Variants in ZC3H15 observed in about 807,000 individuals in gnomAD.
The protein encoded by ZC3H15 is zinc finger CCCH-type containing 15.
ZC3H15 carries 15 observed loss-of-function variants against 51.2 expected under a neutral mutation model. The ratio of observed to expected loss-of-function variants is 0.29; its 90% CI spans 0.20 to 0.45. ZC3H15 has a LOEUF of 0.45. ZC3H15 is among the 20% of genes least tolerant of loss of function. The pLI is 1.00. For missense variants in ZC3H15, 381 were observed against 494.7 expected (o/e 0.77, Z 2.18); for synonymous variants, 144 against 162.8 (o/e 0.88, Z 0.88).
In ZC3H15 at chr2:186,506,844, T is replaced by A. The variant is rs1269199147; in HGVS notation, c.1090+8T>A. On this transcript the variant is annotated splice_region_variant and intron_variant, in intron 9 of 9. Coordinates refer to ENST00000337859, the MANE Select transcript of ZC3H15 (RefSeq NM_018471.3). ...ATACTTCAGATAAAGATGGTAAGTA[T>A]GCTAACTTTTGCCTAATTTTAAGAA... 6.2e-7 allele frequency: 1 copy of A among 1,605,618 alleles called. No individual in the cohort carries two copies. Among genetic ancestry groups the A allele is most frequent in the South Asian group, 1.1e-5 (1 of 90,236 alleles).
In ZC3H15 at chr2:186,506,855, G is replaced by T; in HGVS notation, c.1090+19G>T. 6.2e-7 allele frequency: 1 copy of T among 1,603,492 alleles called. No individual in the cohort carries two copies. Among genetic ancestry groups the T allele is most frequent in the East Asian group, 2.2e-5 (1 of 44,750 alleles). ...AAAGATGGTAAGTATGCTAACTTTT[G>T]CCTAATTTTAAGAACTAGGAAGTTA... On this transcript the variant is annotated intron_variant, in intron 9 of 9. Transcript: ENST00000337859.
chr2:186,488,394 CT>C (rs1373548327), intron 1 of ZC3H15, among the ~76,000 whole-genome samples: 1 of 152,188 alleles, frequency 6.6e-6, no homozygotes, highest in Non-Finnish European at 1.5e-5. Flanking sequence ...GTTTTTACCA[CT>C]CTAGGAACTC....
Position 186,501,285 on chromosome 2 carries a change from A to G in ZC3H15, c.302A>G (p.Lys101Arg). Residue 101 changes from lysine to arginine, a missense_variant, in exon 4 of 10, where the codon AAG becomes AGG. By Grantham distance (26) the Lys-to-Arg change is conservative. Around this residue, in one of 3 missense-constraint regions of ZC3H15, gnomAD observed 125 missense variants for 166.3 expected, o/e 0.75. Coordinates refer to ENST00000337859, the MANE Select transcript of ZC3H15 (RefSeq NM_018471.3). Reference sequence around the variant, plus strand: ...CCATTTGACATAGGTGCAGATCCCAAGTCTGTAGTATGTGCATTCTTCAAG... The same window carrying G: ...CCATTTGACATAGGTGCAGATCCCAGGTCTGTAGTATGTGCATTCTTCAAG... ...AQKISKGADP[K>R]SVVCAFFKQG... is the part of the protein sequence containing the mutation. 1 of 1,608,690 alleles carries G rather than the reference A, an allele frequency of 6.2e-7. No individual in the cohort carries two copies. Among genetic ancestry groups the G allele is most frequent in the Non-Finnish European group, 8.5e-7 (1 of 1,177,514 alleles).
intron 6 of ZC3H15, 133 bp downstream of exon 6, chr2:186,504,347 C>A: frequency 1.4e-6 from 1 of 729,010 alleles, no homozygotes; most frequent in Non-Finnish European, 2.0e-6. Flanking sequence ...CAAAGTTGCC[C>A]TACTTTAATT....
At chr2:186,506,896 A>G in intron 9 of ZC3H15, 60 bp downstream of exon 9, 1 of 1,550,368 alleles carries the variant, frequency 6.5e-7, no homozygotes, top group Non-Finnish European at 8.7e-7. Flanking sequence ...AGGGGGTTAT[A>G]CCAGGCTTGG....
chr2:186,504,387 C>T (rs1252878267), intron 6 of ZC3H15, among the ~76,000 whole-genome samples, 173 bp downstream of exon 6: 1 of 152,124 alleles, frequency 6.6e-6, no homozygotes, highest in Non-Finnish European at 1.5e-5. Context: ...GTTAACCTAG[C>T]CATAAACATT....
chr2:186,506,601 TC>T (rs1395953586), intron 8 of ZC3H15, 111 bp from the exon 9 acceptor site: 31 of 1,232,736 alleles, frequency 2.5e-5, no homozygotes. Context: ...CAGTAATTGG[TC>T]TTTTGTTTTC....
intron 2 of ZC3H15, among the ~76,000 whole-genome samples, chr2:186,497,638 A>T (rs569116398): frequency 1.7e-4 from 26 of 152,260 alleles, no homozygotes; most frequent in Middle Eastern, 3.4e-3. Flanking sequence ...GTGAATATAG[A>T]TATCAATATG....
intron 1 of ZC3H15, among the ~76,000 whole-genome samples, chr2:186,493,735 C>T (rs943851788): frequency 1.3e-5 from 2 of 151,786 alleles, no homozygotes; most frequent in African/African-American, 4.8e-5. Flanking sequence ...TTGCCTTGTC[C>T]TAGTTTCTGG....
At chr2:186,503,832 T>A (rs1420869364) in intron 5 of ZC3H15, among the ~76,000 whole-genome samples, 200 bp from the exon 6 acceptor site, 1 of 152,238 alleles carries the variant, frequency 6.6e-6, no homozygotes, top group African/African-American at 2.4e-5. Context: ...TTGCCATTGT[T>A]CTACATATTT....
chr2:186,500,326 A>G, intron 3 of ZC3H15, 33 bp downstream of exon 3: 1 of 1,522,868 alleles, frequency 6.6e-7, no homozygotes, highest in Non-Finnish European at 9.0e-7. Context: ...GTGATTTTTT[A>G]TCAAATGTAG....
chr2:186,501,464 G>C, intron 4 of ZC3H15, 39 bp downstream of exon 4: 1 of 1,552,422 alleles, frequency 6.4e-7, no homozygotes, highest in Non-Finnish European at 8.8e-7. Context: ...AATAAATGTT[G>C]AATACTTTCG....
At chr2:186,498,997 A>C (rs1685333021) in intron 2 of ZC3H15, among the ~76,000 whole-genome samples, 1 of 152,184 alleles carries the variant, frequency 6.6e-6, no homozygotes, top group Admixed American at 6.5e-5. Flanking sequence ...AACTAAGCTC[A>C]TCTTCACCTC....
intron 2 of ZC3H15, among the ~76,000 whole-genome samples, chr2:186,497,834 C>T (rs1248659450): frequency 6.6e-6 from 1 of 152,038 alleles, no homozygotes; most frequent in Non-Finnish European, 1.5e-5. Context: ...TTGATACTTG[C>T]GTGGATAACT....
At position 186,504,050 on chromosome 2, in the gene ZC3H15, G is replaced by GA. The variant is rs1222716515; in HGVS notation, c.555dup (p.Ala186SerfsTer3). On this transcript the variant is annotated frameshift_variant, in exon 6 of 10. Transcript: ENST00000337859. LOFTEE classifies it high-confidence loss of function. ...TCTATAGGTGTGCAAGCATTTCCTG[G>GA]AAGCTATTGAAAACAACAAGTATGG... The GA allele has an allele frequency of 6.3e-7, 1 of 1,594,254 alleles. No homozygotes were observed. Among genetic ancestry groups the GA allele is most frequent in the South Asian group, 1.1e-5 (1 of 87,342 alleles).
chr2:186,497,228 A>G (rs1404455083), intron 2 of ZC3H15: 7 of 379,800 alleles, frequency 1.8e-5, no homozygotes, highest in Non-Finnish European at 3.5e-5. Flanking sequence ...GTGTTTACAG[A>G]TTTTTTAAAA....
At chr2:186,504,770 G>C (rs1685441954) in intron 6 of ZC3H15, among the ~76,000 whole-genome samples, 2 of 152,064 alleles carry the variant, frequency 1.3e-5, no homozygotes, top group Non-Finnish European at 2.9e-5. Flanking sequence ...TTAGATTTAG[G>C]GTTGCATATT....
intron 2 of ZC3H15, 98 bp from the exon 3 acceptor site, chr2:186,500,084 G>A (rs4144786): frequency 0.68 from 684,461 of 1,000,038 alleles, 236,036 homozygotes; most frequent in Non-Finnish European, 0.71. Context: ...GGTAAGGACT[G>A]TAAATATGCA....
rs1406664376 is a variant in ZC3H15, at chr2:186,500,584, CA to C, written c.289+294del. 5.5e-6 allele frequency: 3 copies of C among 542,954 alleles called. No homozygotes were observed. The East Asian group carries it at 1.4e-4, about 26-fold the overall frequency. 33.6% of individuals were successfully genotyped at this position (542,954 alleles called of 1,614,324 possible). A position where few individuals can be genotyped will look rare whatever the true frequency, so the allele number is the denominator to read the frequency against. On this transcript the variant is annotated intron_variant, in intron 3 of 9. Coordinates refer to ENST00000337859, the MANE Select transcript of ZC3H15 (RefSeq NM_018471.3). ...CATTCAGTCTTTGGTAGTAGGTAAG[CA>C]AAGCCATAGTTGAATAAACTGTACG...
Sources: allele counts gnomAD v4.1 joint callset (sites outside exome capture counted in the v4.1 genomes callset), GRCh38; gene constraint gnomAD v4.1.1; regional missense constraint gnomAD v4.1.1; transcripts MANE v1.5; gene names NCBI Gene and HGNC (gene_info 2026-07-23, HGNC 2026-07-21).